ZNF283: variants seen among roughly 807,000 people sequenced by gnomAD.
ZNF283 encodes the protein zinc finger protein 283, also known as zinc finger protein 41.
A neutral mutation model predicts 9.2 loss-of-function variants in ZNF283; 10 were observed. The ratio of observed to expected loss-of-function variants is 1.09; its 90% confidence interval spans 0.67 to 1.85. The LOEUF is 1.85. Among genes scored for constraint, ZNF283 ranks in the 40% most tolerant of loss-of-function variants. The probability of loss-of-function intolerance (pLI) is 0.00; values close to 1 mark genes in which losing one functional copy is unlikely to be tolerated. For synonymous variants in ZNF283, 234 were observed against 244.1 expected (o/e 0.96, Z 0.38); for missense variants, 631 against 760.1 (o/e 0.83, Z 2.00).
intron 6 of ZNF283, among the ~76,000 whole-genome samples, chr19:43,844,616 T>C (rs1549953): frequency 0.4 from 61,529 of 151,992 alleles, 12,881 homozygotes; most frequent in South Asian, 0.55. Flanking sequence ...TAGTGCAGTT[T>C]AGACCTGTGA....
intron 6 of ZNF283, among the ~76,000 whole-genome samples, chr19:43,842,405 C>T (rs1971248199): frequency 6.6e-6 from 1 of 152,138 alleles, no homozygotes; most frequent in Non-Finnish European, 1.5e-5. Flanking sequence ...CTTACAATTT[C>T]TCATTGTATA....
intron 6 of ZNF283, chr19:43,837,854 AG>A (rs1971046104): frequency 6.6e-6 from 1 of 152,250 alleles, no homozygotes; most frequent in Non-Finnish European, 1.5e-5. Flanking sequence ...GTTGTTGGAA[AG>A]GAACTTTACC....
At position 43,848,421 on chromosome 19, in the gene ZNF283, C is replaced by G; in HGVS notation, c.1820C>G (p.Ala607Gly). Residue 607 changes from alanine to glycine, a missense_variant, in exon 7 of 7, where the codon GCC becomes GGC. Ala to Gly is a moderately conservative substitution (Grantham distance 60). Coordinates refer to ENST00000618787, the MANE Select transcript of ZNF283 (RefSeq NM_181845.2). ...KSYECKDCGK[A>G]FGSGYQLSVH... ...TATGAATGTAAAGACTGTGGGAAGG[C>G]CTTTGGTAGTGGCTATCAACTTAGT... 6.2e-7 allele frequency: 1 copy of G among 1,613,888 alleles called. No homozygotes were observed. The highest frequency in any genetic ancestry group is 1.1e-5 in the South Asian group (1 of 91,058).
chr19:43,847,248 G>C lies in ZNF283; in HGVS notation c.647G>C (p.Cys216Ser), dbSNP rs550373745. The C allele has an allele frequency of 2.8e-5, 45 of 1,604,344 alleles. No homozygotes were observed. In the South Asian group the frequency reaches 4.8e-4, roughly 17 times the overall value. Reference protein sequence around the residue: ...SYVCKECGKACSHGSKLVQHE... With the variant: ...SYVCKECGKASSHGSKLVQHE... The stretch of plus-strand genomic sequence containing the variant: ...GTTTGTAAGGAATGTGGGAAGGCTT[G>C]CAGTCATGGCTCAAAACTTGTTCAA... The change falls in exon 7 of 7, where the codon TGC (cysteine) becomes TCC (serine). Residue 216 changes from cysteine (C) to serine (S), a missense_variant. Coordinates refer to ENST00000618787, the MANE Select transcript of ZNF283 (RefSeq NM_181845.2).
chr19:43,836,986 C>A, intron 5 of ZNF283, 67 bp from the exon 6 acceptor site: 1 of 1,558,670 alleles, frequency 6.4e-7, no homozygotes, highest in Non-Finnish European at 8.8e-7. Flanking sequence ...ATCCTTTGTA[C>A]CCTCTTTTTT....
intron 6 of ZNF283, among the ~76,000 whole-genome samples, chr19:43,845,610 C>T (rs186850061): frequency 1.6e-3 from 246 of 152,200 alleles, no homozygotes; most frequent in African/African-American, 5.7e-3. Context: ...AATTATTTGA[C>T]TCTTAAAATT....
chr19:43,835,454 G>A, intron 4 of ZNF283, 51 bp from the exon 5 acceptor site: 1 of 1,188,552 alleles, frequency 8.4e-7, no homozygotes, highest in Non-Finnish European at 1.2e-6. Context: ...TGTAAGTCAG[G>A]ATGGGATCAC....
Position 43,848,200 on chromosome 19 carries a change from T to C in ZNF283, c.1599T>C (p.His533=), listed in dbSNP as rs748539642. Residue 533 remains histidine, a synonymous_variant, in exon 7 of 7, where the codon CAT becomes CAC. Transcript: ENST00000618787. ...AFNCGSSLVQ[H]ERIHTGEKPY... The stretch of plus-strand genomic sequence containing the variant: ...ATTGTGGATCAAGCCTTGTTCAACA[T>C]GAAAGAATCCATACAGGGGAGAAAC... 1.9e-6 allele frequency: 3 copies of C among 1,613,922 alleles called. No homozygotes were observed. Among genetic ancestry groups the C allele is most frequent in the Non-Finnish European group, 2.5e-6 (3 of 1,179,922 alleles).
chr19:43,842,734 C>T (rs1038222302), intron 6 of ZNF283, among the ~76,000 whole-genome samples: 3 of 152,212 alleles, frequency 2.0e-5, no homozygotes, highest in African/African-American at 7.2e-5. Flanking sequence ...TGTGGTGACA[C>T]TTCCACTGGT....
At chr19:43,842,278 G>A (rs1971242520) in intron 6 of ZNF283, among the ~76,000 whole-genome samples, 2 of 151,864 alleles carry the variant, frequency 1.3e-5, no homozygotes, top group South Asian at 2.1e-4. Context: ...ATCCAATAAA[G>A]ATTTCATTCC....
chr19:43,837,329 T>C (rs555101898), intron 6 of ZNF283, 150 bp downstream of exon 6: 15 of 793,216 alleles, frequency 1.9e-5, no homozygotes, highest in African/African-American at 3.6e-5. Flanking sequence ...GGGTTAGAAA[T>C]GGGTTTGTTA....
At chr19:43,832,721 A>G (rs765048185) in intron 3 of ZNF283, among the ~76,000 whole-genome samples, 2 of 152,170 alleles carry the variant, frequency 1.3e-5, no homozygotes, top group Non-Finnish European at 2.9e-5. Flanking sequence ...TTCAATAATA[A>G]TGATGAAAAT....
At chr19:43,844,804 G>C (rs944178205) in intron 6 of ZNF283, among the ~76,000 whole-genome samples, 1 of 152,110 alleles carries the variant, frequency 6.6e-6, no homozygotes, top group Non-Finnish European at 1.5e-5. Flanking sequence ...AAACCTTCTT[G>C]TAGTTGTTAA....
At chr19:43,831,415 C>T (rs767909906) in intron 3 of ZNF283, 34 bp downstream of exon 3, 2 of 1,562,982 alleles carry the variant, frequency 1.3e-6, no homozygotes, top group African/African-American at 2.7e-5. Flanking sequence ...CACTGATTTT[C>T]AGTGTTGGCC....
chr19:43,846,060 T>C (rs1261014755), intron 6 of ZNF283, among the ~76,000 whole-genome samples: 2 of 152,194 alleles, frequency 1.3e-5, no homozygotes, highest in African/African-American at 2.4e-5. Flanking sequence ...CTTCCTCTTT[T>C]ATGAATATCT....
rs1971516041 is a variant in ZNF283, at chr19:43,848,505, CCTTTA to C, written c.1908_1912del (p.Phe636LeufsTer8). On this transcript the variant is annotated frameshift_variant, in exon 7 of 7. Coordinates refer to ENST00000618787, the MANE Select transcript of ZNF283 (RefSeq NM_181845.2). LOFTEE classifies it low-confidence loss of function (END_TRUNC). Reference sequence around the variant, plus strand: ...TATCAACGTAAGGAATTCGGGAAGACCTTTACTTGTGGCTCAAAACTTGTTCATGA... The same window carrying C: ...TATCAACGTAAGGAATTCGGGAAGACCTTGTGGCTCAAAACTTGTTCATGA... The C allele has an allele frequency of 6.2e-7, 1 of 1,613,414 alleles. No individual in the cohort carries two copies. The highest frequency in any genetic ancestry group is 1.3e-5 in the African/African-American group (1 of 75,006).
Position 43,848,857 on chromosome 19 carries a change from T to C in ZNF283, c.*216T>C, listed in dbSNP as rs112612067. Reference sequence around the variant, plus strand: ...GCCTTTAGACTTCTGTACAGTCTTATTGGATATCAATTTATACTGATGTAA... The same window carrying C: ...GCCTTTAGACTTCTGTACAGTCTTACTGGATATCAATTTATACTGATGTAA... On this transcript the variant is annotated 3_prime_UTR_variant, in exon 7 of 7. Coordinates refer to ENST00000618787, the MANE Select transcript of ZNF283 (RefSeq NM_181845.2). 2.2e-5 allele frequency: 9 copies of C among 401,072 alleles called. No individual in the cohort carries two copies. Among genetic ancestry groups the C allele is most frequent in the African/African-American group, 1.2e-4 (6 of 49,404 alleles). The allele number at this position is 401,072 out of a possible 1,614,324, so 24.8% of individuals were successfully genotyped here.
At chr19:43,830,200 G>T (rs565186125) in intron 2 of ZNF283, among the ~76,000 whole-genome samples, 3 of 152,154 alleles carry the variant, frequency 2.0e-5, no homozygotes, top group South Asian at 2.1e-4. Flanking sequence ...TCAGGCTCCC[G>T]AGTACCTGGG....
chr19:43,831,355 T>A lies in ZNF283; in HGVS notation c.-27T>A, dbSNP rs776674730. The A allele has an allele frequency of 2.5e-6, 4 of 1,596,150 alleles. No homozygotes were observed. The East Asian group carries it at 8.9e-5, about 36-fold the overall frequency. Reference sequence around the variant, plus strand: ...AGTGAATGTGTCTCATTACATTGAATAACAGCTACAGGATGTTCGAGAGCT... The same window carrying A: ...AGTGAATGTGTCTCATTACATTGAAAAACAGCTACAGGATGTTCGAGAGCT... On this transcript the variant is annotated 5_prime_UTR_variant, in exon 3 of 7. Transcript: ENST00000618787.
Sources: gnomAD v4.1 joint callset for allele counts (sites outside exome capture counted in the v4.1 genomes callset) on GRCh38, gnomAD v4.1.1 for gene constraint, MANE v1.5 for transcripts, NCBI Gene and HGNC (gene_info 2026-07-23, HGNC 2026-07-21) for gene names.